ALOX15B: variants seen among roughly 807,000 people sequenced by gnomAD.
ALOX15B encodes arachidonate 15-lipoxygenase type B.
ALOX15B carries 74 observed loss-of-function variants against 73.8 expected under a neutral mutation model. That is an observed-to-expected ratio of 1.00 (90% CI 0.83 to 1.22). The LOEUF (loss-of-function observed/expected upper bound fraction) is 1.22. ALOX15B is among the 50% of genes most tolerant of loss of function. The pLI is 0.00. For synonymous variants in ALOX15B, 353 were observed against 357.2 expected, an observed-to-expected ratio of 0.99 and a Z score of 0.13; for missense variants, 896 against 859.9, an observed-to-expected ratio of 1.04 and a Z score of -0.52.
At chr17:8,048,209 C>G (rs1392398972) in intron 13 of ALOX15B, among the ~76,000 whole-genome samples, 177 bp from the exon 14 acceptor site, 1 of 152,234 alleles carries the variant, frequency 6.6e-6, no homozygotes, top group Non-Finnish European at 1.5e-5. Flanking sequence ...ACATGGATAT[C>G]TGTTTAAGAG....
chr17:8,040,601 GAGAA>G (rs373229362), intron 3 of ALOX15B, among the ~76,000 whole-genome samples: 3,691 of 109,490 alleles, frequency 0.034, 76 homozygotes, highest in Middle Eastern at 0.089. Flanking sequence ...AAGAAAGAGA[GAGAA>G]AGAAAGAAAG....
intron 5 of ALOX15B, among the ~76,000 whole-genome samples, chr17:8,043,290 A>C (rs1976510402): frequency 6.6e-6 from 1 of 152,184 alleles, no homozygotes; most frequent in South Asian, 2.1e-4. Flanking sequence ...AGCTCTCCCA[A>C]GGGGGTGAAC....
chr17:8,039,903 C>T lies in ALOX15B; in HGVS notation c.369C>T (p.Ala123=). 6.2e-7 allele frequency: 1 copy of T among 1,611,732 alleles called. No homozygotes were observed. Among genetic ancestry groups the T allele is most frequent in the Non-Finnish European group, 8.5e-7 (1 of 1,178,792 alleles). ...CAACCTACTCCCCTTCTCCCACAGC[C>T]AAGGTGTCCTGGGCAGACCACCACC... ...AGTLVLQEGT[A]KVSWADHHPV... is the part of the protein sequence containing the mutation. The change falls in exon 3 of 14, where the codon GCC becomes GCT. Residue 123 remains alanine (A), a splice_region_variant and synonymous_variant. Coordinates refer to ENST00000380183, the MANE Select transcript of ALOX15B (RefSeq NM_001141.3).
chr17:8,048,237 C>A (rs1232937308), intron 13 of ALOX15B, 149 bp from the exon 14 acceptor site: 6 of 915,514 alleles, frequency 6.6e-6, no homozygotes, highest in Non-Finnish European at 9.7e-6. Context: ...ATGGATCAGG[C>A]CCCATCGAGG....
At chr17:8,043,656 C>T (rs1976520270) in intron 5 of ALOX15B, among the ~76,000 whole-genome samples, 1 of 152,034 alleles carries the variant, frequency 6.6e-6, no homozygotes, top group African/African-American at 2.4e-5. Flanking sequence ...CTGTGGTCAC[C>T]AGAGGATGGT....
In ALOX15B at chr17:8,047,027, G is replaced by A. The variant is rs779377711; in HGVS notation, c.1408G>A (p.Gly470Ser). Residue 470 changes from glycine to serine, a missense_variant, in exon 10 of 14, where the codon GGC becomes AGC. Transcript: ENST00000380183. ...IRTRGVEDIPGYYYRDDGMQI... is the reference protein window; with the variant it reads ...IRTRGVEDIPSYYYRDDGMQI... Reference sequence around the variant, plus strand: ...GACCCGAGGAGTTGAAGACATCCCAGGCTACTACTACCGTGATGATGGGAT... The same window carrying A: ...GACCCGAGGAGTTGAAGACATCCCAAGCTACTACTACCGTGATGATGGGAT... 13 of 1,613,944 alleles carry A rather than the reference G, an allele frequency of 8.1e-6. No individual in the cohort carries two copies. In the African/African-American group the frequency reaches 1.5e-4, roughly 18 times the overall value.
In ALOX15B at chr17:8,047,729, C is replaced by T; in HGVS notation, c.1681-16C>T. 6.2e-7 allele frequency: 1 copy of T among 1,614,026 alleles called. No homozygotes were observed. Among genetic ancestry groups the T allele is most frequent in the Non-Finnish European group, 8.5e-7 (1 of 1,179,932 alleles). On this transcript the variant is annotated splice_polypyrimidine_tract_variant and intron_variant, in intron 12 of 13. Coordinates refer to ENST00000380183, the MANE Select transcript of ALOX15B (RefSeq NM_001141.3). Reference sequence around the variant, plus strand: ...GACCCAGCTCCTCAGCCTCATTCTGCCCTCTCGGCCTTCAGTTTGACTCCT... The same window carrying T: ...GACCCAGCTCCTCAGCCTCATTCTGTCCTCTCGGCCTTCAGTTTGACTCCT...
Position 8,039,253 on chromosome 17 carries a change from G to A in ALOX15B, c.98G>A (p.Ser33Asn), listed in dbSNP as rs1976358769. The A allele has an allele frequency of 6.3e-7, 1 of 1,598,772 alleles. No individual in the cohort carries two copies. The highest frequency in any genetic ancestry group is 1.3e-5 in the African/African-American group (1 of 74,660). ...AGCATCGTGGGGACCCGGGGAGAGA[G>A]CCCCCCACTGCCCCTGGACAATCTC... is the stretch of plus-strand genomic sequence containing the variant. ...SVSIVGTRGE[S>N]PPLPLDNLGK... is the part of the protein sequence containing the mutation. Residue 33 changes from serine to asparagine, a missense_variant, in exon 1 of 14, where the codon AGC (serine) becomes AAC (asparagine). By Grantham distance (46) the Ser-to-Asn change is conservative. Coordinates refer to ENST00000380183, the MANE Select transcript of ALOX15B (RefSeq NM_001141.3).
chr17:8,042,980 G>A (rs1041971685), intron 5 of ALOX15B, 96 bp downstream of exon 5: 2 of 996,494 alleles, frequency 2.0e-6, no homozygotes, highest in Non-Finnish European at 3.1e-6. Context: ...AATTTGCTAT[G>A]TAACCCTGAT....
In ALOX15B at chr17:8,044,463, C is replaced by T. The variant is rs142804636; in HGVS notation, c.677-366C>T. On this transcript the variant is annotated intron_variant, in intron 5 of 13. Transcript: ENST00000380183. ...AAAAGGAAAGAAAAAGAAAGGGTCC[C>T]GAGTCTCCTCTGTAGGCAACTGGGT... Among the ~76,000 whole-genome samples, 641 of 151,830 alleles carry T rather than the reference C, an allele frequency of 4.2e-3. 8 individuals carry two copies. The highest frequency in any genetic ancestry group is 4.5e-3 in the Non-Finnish European group (303 of 67,928).
Position 8,039,490 on chromosome 17 carries a change from G to A in ALOX15B, c.252G>A (p.Pro84=). Residue 84 remains proline, a synonymous_variant, in exon 2 of 14, where the codon CCG becomes CCA. Coordinates refer to ENST00000380183, the MANE Select transcript of ALOX15B (RefSeq NM_001141.3). ...PVLPLLGPLA[P]DAWFCRWFQL... ...TGCCCCTGCTGGGGCCCCTGGCCCC[G>A]GATGCCTGGTTCTGCCGCTGGTTCC... 6.3e-7 allele frequency: 1 copy of A among 1,582,584 alleles called. No individual in the cohort carries two copies. Among genetic ancestry groups the A allele is most frequent in the South Asian group, 1.1e-5 (1 of 87,952 alleles).
rs1434276338 is a variant in ALOX15B at position 8,048,598 on chromosome 17, C to T, written c.*33C>T. On this transcript the variant is annotated 3_prime_UTR_variant, in exon 14 of 14. Coordinates refer to ENST00000380183, the MANE Select transcript of ALOX15B (RefSeq NM_001141.3). The stretch of plus-strand genomic sequence containing the variant: ...GGGAACACAGGCCCAGATGACATCC[C>T]TTTGACCACATCGCTCTAGGATAAC... 6.3e-7 allele frequency: 1 copy of T among 1,599,248 alleles called. No homozygotes were observed. The highest frequency in any genetic ancestry group is 1.7e-5 in the Admixed American group (1 of 58,168).
chr17:8,045,264 C>T lies in ALOX15B; in HGVS notation c.876C>T (p.His292=), dbSNP rs776126725. Reference sequence around the variant, plus strand: ...AGGGCTCCCTGTTCTTGGTGGATCACGGCATCCTCTCTGGCATCCAGACCA... The same window carrying T: ...AGGGCTCCCTGTTCTTGGTGGATCATGGCATCCTCTCTGGCATCCAGACCA... ...LEKGSLFLVD[H]GILSGIQTNV... The change falls in exon 7 of 14, where the codon CAC becomes CAT. Residue 292 remains histidine (H), a synonymous_variant. Transcript: ENST00000380183. 2.8e-5 allele frequency: 45 copies of T among 1,614,058 alleles called. No homozygotes were observed. Among genetic ancestry groups the T allele is most frequent in the Admixed American group, 1.3e-4 (8 of 60,004 alleles).
At chr17:8,043,264 G>C (rs1473373661) in intron 5 of ALOX15B, among the ~76,000 whole-genome samples, 1 of 152,204 alleles carries the variant, frequency 6.6e-6, no homozygotes, top group African/African-American at 2.4e-5. Flanking sequence ...CCATACCCTG[G>C]AGAGGGCCCC....
In ALOX15B at chr17:8,046,683, AC is replaced by A; in HGVS notation, c.1219del (p.Arg407AspfsTer35). On this transcript the variant is annotated frameshift_variant, in exon 9 of 14. Transcript: ENST00000380183. LOFTEE classifies it high-confidence loss of function. ...TGCCATGCAGCTGCTGATCCCGCAC[AC>A]CCGATACACCCTGCACATCAACACA... ...HPLFKLLIPHTRYTLHINTLA... is the reference protein window; with the variant it reads ...HPLFKLLIPHXRYTLHINTLA... 1 of 1,613,606 alleles carries A rather than the reference AC, an allele frequency of 6.2e-7. No individual in the cohort carries two copies. The highest frequency in any genetic ancestry group is 1.7e-5 in the Admixed American group (1 of 59,970).
Position 8,039,765 on chromosome 17 carries a change from AG to A in ALOX15B, c.368-136del. The A allele has an allele frequency of 2.5e-6, 3 of 1,181,552 alleles. No individual in the cohort carries two copies. The Admixed American group carries it at 7.4e-5, about 29-fold the overall frequency. The allele number at this position is 1,181,552 out of a possible 1,614,324, so 73.2% of individuals were successfully genotyped here. ...GGCGGAGCCTTGGGGAGCGGGAGGTAGCAGCCTGGTGTAGGAGAAACTGTAC... is the reference window on the plus strand; with the variant it reads ...GGCGGAGCCTTGGGGAGCGGGAGGTACAGCCTGGTGTAGGAGAAACTGTAC... On this transcript the variant is annotated intron_variant, in intron 2 of 13. Transcript: ENST00000380183.
At position 8,046,769 on chromosome 17, in the gene ALOX15B, G is replaced by A; in HGVS notation, c.1287+15G>A. 6.2e-7 allele frequency: 1 copy of A among 1,613,398 alleles called. No homozygotes were observed. The highest frequency in any genetic ancestry group is 1.1e-5 in the South Asian group (1 of 90,870). On this transcript the variant is annotated intron_variant, in intron 9 of 13. Coordinates refer to ENST00000380183, the MANE Select transcript of ALOX15B (RefSeq NM_001141.3). Reference sequence around the variant, plus strand: ...TGGTGGACAGGGTGAGAGCTGTGTTGGGGAGGGAGTAGGCAGGCCACTCCT... The same window carrying A: ...TGGTGGACAGGGTGAGAGCTGTGTTAGGGAGGGAGTAGGCAGGCCACTCCT...
Position 8,048,377 on chromosome 17 carries a change from G to C in ALOX15B, c.1852-9G>C. On this transcript the variant is annotated splice_polypyrimidine_tract_variant and intron_variant, in intron 13 of 13. Transcript: ENST00000380183. ...AGCCGCCTCACCCAACCTTGTGGTG[G>C]ATCCTCAGAGGCCCCTGGGCACCTA... 6.2e-7 allele frequency: 1 copy of C among 1,608,068 alleles called. No homozygotes were observed. Among genetic ancestry groups the C allele is most frequent in the East Asian group, 2.2e-5 (1 of 44,754 alleles).
At position 8,045,581 on chromosome 17, in the gene ALOX15B, CTCCT is replaced by C. The variant is rs1460537870; in HGVS notation, c.1099_1102del (p.Phe367MetfsTer35). On this transcript the variant is annotated frameshift_variant, in exon 8 of 14. Transcript: ENST00000380183. LOFTEE classifies it high-confidence loss of function. The stretch of plus-strand genomic sequence containing the variant: ...AGACCTGGGTGCGCAATGCCGAGTT[CTCCT>C]TCCATGAGGCCCTCACGCACCTGCT... 6.2e-7 allele frequency: 1 copy of C among 1,614,186 alleles called. No individual in the cohort carries two copies. Among genetic ancestry groups the C allele is most frequent in the East Asian group, 2.2e-5 (1 of 44,880 alleles).
Sources: gnomAD v4.1 joint callset for allele counts (sites outside exome capture counted in the v4.1 genomes callset) on GRCh38, gnomAD v4.1.1 for gene constraint, MANE v1.5 for transcripts, NCBI Gene and HGNC (gene_info 2026-07-23, HGNC 2026-07-21) for gene names.